The following LUC7L2 variants were observed in gnomAD, a reference collection of about 807,000 sequenced individuals.
LUC7L2 encodes LUC7 like 2, pre-mRNA splicing factor, also known as putative RNA-binding protein Luc7-like 2.
A neutral mutation model predicts 52.8 loss-of-function variants in LUC7L2; 25 were observed. The observed-to-expected ratio is 0.47, with a 90% CI of 0.34 to 0.66. The LOEUF (loss-of-function observed/expected upper bound fraction) is 0.66, where lower values mean the gene tolerates loss of function less well. LUC7L2 is among the 30% of genes least tolerant of loss of function. LUC7L2 has a pLI of 0.01. For synonymous variants in LUC7L2, 144 were observed against 160.9 expected, an observed-to-expected ratio of 0.89 and a Z score of 0.80; for missense variants, 328 against 497.8, an observed-to-expected ratio of 0.66 and a Z score of 3.25.
At chr7:139,345,499 A>G (rs112628353) in intron 1 of LUC7L2, 1 of 1,614,184 alleles carries the variant, frequency 6.2e-7, no homozygotes. Context: ...CTGCTTCTCT[A>G]GGTCACCAGT....
At chr7:139,345,875 G>A in intron 1 of LUC7L2, 1 of 756,098 alleles carries the variant, frequency 1.3e-6, no homozygotes, top group Non-Finnish European at 1.9e-6. Context: ...TGAATTTACT[G>A]AACTTTTTGC....
At chr7:139,398,785 CT>C (rs1794770689) in intron 3 of LUC7L2, 88 bp downstream of exon 3, 19 of 1,245,680 alleles carry the variant, frequency 1.5e-5, no homozygotes, top group Non-Finnish European at 2.1e-5. Context: ...AGGAAAAACT[CT>C]TAGCAGTTTA....
chr7:139,372,140 A>G (rs1356388287), intron 1 of LUC7L2, among the ~76,000 whole-genome samples: 4 of 152,150 alleles, frequency 2.6e-5, no homozygotes, highest in Non-Finnish European at 4.4e-5. Flanking sequence ...CTGAATAACT[A>G]TTGTAGAGGT....
In LUC7L2 at chr7:139,381,387, T is replaced by A. The variant is rs771483611; in HGVS notation, c.156+5231T>A. On this transcript the variant is annotated intron_variant, in intron 2 of 9. Coordinates refer to ENST00000354926, the MANE Select transcript of LUC7L2 (RefSeq NM_016019.5). ...TTATTTTATTTTATTTTTATTTTAT[T>A]TTTTATTTTATTTTATTTTATTTTA... 3.6e-5 allele frequency among the ~76,000 whole-genome samples: 4 copies of A among 110,210 alleles called. No homozygotes were observed. In the East Asian group the frequency reaches 8.9e-4, roughly 25 times the overall value. The allele number at this position is 110,210 out of a possible 152,430, so 72.3% of individuals were successfully genotyped here.
rs1301223439 is a variant in LUC7L2 at position 139,360,245 on chromosome 7, C to T, written c.-17C>T. On this transcript the variant is annotated 5_prime_UTR_variant, in exon 1 of 10. Transcript: ENST00000354926. ...TCTGCGCCCCACCCCCGCCCGTCCG[C>T]CCGCTACGCCGCCGCCATGTCGGCG... 3 of 1,548,342 alleles carry T rather than the reference C, an allele frequency of 1.9e-6. No individual in the cohort carries two copies. The highest frequency in any genetic ancestry group is 1.4e-5 in the African/African-American group (1 of 72,838).
At chr7:139,359,373 C>T (rs1445478325), upstream of LUC7L2, 1 of 158,458 alleles carries the variant, frequency 6.3e-6, no homozygotes, top group Non-Finnish European at 1.4e-5. Context: ...AGCCGAGGAG[C>T]CTTAAAGCCC....
At chr7:139,402,707 A>G (rs1024943793) in intron 4 of LUC7L2, among the ~76,000 whole-genome samples, 2 of 152,142 alleles carry the variant, frequency 1.3e-5, no homozygotes, top group Non-Finnish European at 2.9e-5. Flanking sequence ...TATTTTTAGC[A>G]GAGACAGGGT....
intron 2 of LUC7L2, among the ~76,000 whole-genome samples, chr7:139,386,237 C>G (rs2355785): frequency 6.6e-6 from 1 of 151,742 alleles, no homozygotes; most frequent in African/African-American, 2.4e-5. Context: ...CCTGGCCTCA[C>G]GTAATCCACC....
chr7:139,359,425 G>T (rs1048937903), upstream of LUC7L2: 3 of 166,748 alleles, frequency 1.8e-5, no homozygotes, highest in Non-Finnish European at 3.8e-5. Context: ...GGCGAGACAG[G>T]CCTGCTCCCG....
chr7:139,375,422 C>T (rs1800658895), intron 1 of LUC7L2: 23 of 985,360 alleles, frequency 2.3e-5, no homozygotes, highest in Non-Finnish European at 2.8e-5. Context: ...AGGCAATGTG[C>T]CTTTGTTTGA....
intron 2 of LUC7L2, among the ~76,000 whole-genome samples, chr7:139,396,437 T>C (rs1794667157): frequency 6.6e-6 from 1 of 152,118 alleles, no homozygotes; most frequent in South Asian, 2.1e-4. Flanking sequence ...AGTGAGACCT[T>C]GTCTCAAAAA....
intron 2 of LUC7L2, among the ~76,000 whole-genome samples, chr7:139,395,430 C>T (rs1000207338): frequency 5.9e-5 from 9 of 152,028 alleles, no homozygotes; most frequent in Non-Finnish European, 7.4e-5. Flanking sequence ...ACTAATGAAT[C>T]GGGGGGTAAG....
intron 7 of LUC7L2, among the ~76,000 whole-genome samples, chr7:139,410,421 T>C (rs1795311848): frequency 6.6e-6 from 1 of 152,186 alleles, no homozygotes; most frequent in South Asian, 2.1e-4. Flanking sequence ...TATTAAAAAG[T>C]CTAAAAATAT....
chr7:139,416,758 C>T (rs1042254209), intron 8 of LUC7L2: 1 of 152,070 alleles, frequency 6.6e-6, no homozygotes, highest in African/African-American at 2.4e-5. Context: ...TAAAAACTTA[C>T]TTCTATGGTT....
chr7:139,374,310 C>A, intron 1 of LUC7L2: 1 of 926,654 alleles, frequency 1.1e-6, no homozygotes, highest in South Asian at 1.6e-5. Context: ...TCTTTACAGT[C>A]AACATGTACT....
At chr7:139,345,444 C>T in intron 1 of LUC7L2, 1 of 1,600,560 alleles carries the variant, frequency 6.2e-7, no homozygotes, top group Non-Finnish European at 8.5e-7. Flanking sequence ...TTAAATCTTT[C>T]TCTGTGGACC....
At chr7:139,378,505 T>G (rs1250279585) in intron 2 of LUC7L2, among the ~76,000 whole-genome samples, 1 of 151,910 alleles carries the variant, frequency 6.6e-6, no homozygotes, top group Non-Finnish European at 1.5e-5. Flanking sequence ...GCTCAGGAAT[T>G]CAAGACTTCA....
intron 2 of LUC7L2, among the ~76,000 whole-genome samples, chr7:139,379,012 A>G (rs941706316): frequency 3.3e-5 from 5 of 152,120 alleles, no homozygotes; most frequent in African/African-American, 1.2e-4. Flanking sequence ...GTATGACTAA[A>G]GGTTGCCCTT....
At chr7:139,353,235 G>A (rs1204337205) in intron 1 of LUC7L2, among the ~76,000 whole-genome samples, 2 of 152,088 alleles carry the variant, frequency 1.3e-5, no homozygotes, top group Non-Finnish European at 2.9e-5. Flanking sequence ...TTGATTGTAT[G>A]TACCGATGCC....
Sources: allele counts gnomAD v4.1 joint callset (sites outside exome capture counted in the v4.1 genomes callset), GRCh38; gene constraint gnomAD v4.1.1; transcripts MANE v1.5; gene names NCBI Gene and HGNC (gene_info 2026-07-23, HGNC 2026-07-21).